PATJ: variants seen among roughly 807,000 people sequenced by gnomAD.
PATJ encodes the protein PATJ crumbs cell polarity complex component.
PATJ carries 190 observed loss-of-function variants against 224.9 expected under a neutral mutation model. The ratio of observed to expected loss-of-function variants is 0.84; its 90% CI spans 0.75 to 0.95. The LOEUF (loss-of-function observed/expected upper bound fraction) is 0.95, where lower values mean the gene tolerates loss of function less well. Among genes scored for constraint, PATJ ranks in the 40% least tolerant of loss-of-function variants. The pLI is 0.00. For missense variants in PATJ, 2,121 were observed against 2,270.3 expected, an observed-to-expected ratio of 0.93 and a Z score of 1.34; for synonymous variants, 769 against 820.3, an observed-to-expected ratio of 0.94 and a Z score of 1.07.
chr1:61,849,170 G>A (rs1023908388), intron 17 of PATJ, among the ~76,000 whole-genome samples: 1 of 152,180 alleles, frequency 6.6e-6, no homozygotes, highest in Admixed American at 6.5e-5. Flanking sequence ...GTTGATTGAA[G>A]TTGTTTTGCT....
At chr1:62,130,504 C>A (rs976871472) in intron 41 of PATJ, among the ~76,000 whole-genome samples, 1 of 149,244 alleles carries the variant, frequency 6.7e-6, no homozygotes, top group African/African-American at 2.5e-5. Context: ...CCCATCTCTA[C>A]AAAAAAAATA....
intron 3 of PATJ, among the ~76,000 whole-genome samples, chr1:61,765,176 G>T (rs1353634444): frequency 7.5e-6 from 1 of 132,516 alleles, no homozygotes; most frequent in Admixed American, 8.9e-5. Flanking sequence ...CTGGGCTCAA[G>T]CAATCCTCCC....
At chr1:62,077,678 AC>A (rs1427635619) in intron 31 of PATJ, among the ~76,000 whole-genome samples, 1 of 125,766 alleles carries the variant, frequency 8.0e-6, no homozygotes, top group Non-Finnish European at 1.7e-5. Context: ...ACAGAGTGAG[AC>A]CCTGTCCAAA....
At position 62,012,860 on chromosome 1, in the gene PATJ, A is replaced by G. The variant is rs374937243; in HGVS notation, c.3868-4996A>G. Reference sequence around the variant, plus strand: ...ATAAAAGAGTCTTTGTCTTGGATTTATTTTTCTATCCAGAGATCAGCATTT... The same window carrying G: ...ATAAAAGAGTCTTTGTCTTGGATTTGTTTTTCTATCCAGAGATCAGCATTT... On this transcript the variant is annotated intron_variant, in intron 28 of 43. Transcript: ENST00000642238. Among the ~76,000 whole-genome samples, 241 of 151,864 alleles carry G rather than the reference A, an allele frequency of 1.6e-3. 1 individual carries two copies. Among genetic ancestry groups the G allele is most frequent in the African/African-American group, 5.5e-3 (227 of 41,420 alleles).
chr1:62,013,610 AAG>A, intron 28 of PATJ: 1 of 655,812 alleles, frequency 1.5e-6, no homozygotes. Context: ...TAAGTGCAAG[AAG>A]AGAAATTTTT....
intron 29 of PATJ, among the ~76,000 whole-genome samples, chr1:62,022,517 G>A (rs1404514454): frequency 6.6e-6 from 1 of 152,062 alleles, no homozygotes; most frequent in African/African-American, 2.4e-5. Context: ...TCCCCTTCAT[G>A]TGAGCACACC....
intron 24 of PATJ, among the ~76,000 whole-genome samples, chr1:61,902,002 C>CAA (rs1486751727): frequency 1.3e-5 from 2 of 152,072 alleles, no homozygotes; most frequent in African/African-American, 4.8e-5. Context: ...GCAGGCAGAT[C>CAA]ACTTGAGGTC....
At chr1:61,789,613 G>C (rs1380536317) in intron 8 of PATJ, among the ~76,000 whole-genome samples, 1 of 151,742 alleles carries the variant, frequency 6.6e-6, no homozygotes, top group African/African-American at 2.4e-5. Flanking sequence ...AGGAGTTCGA[G>C]ACCAGCCTGG....
intron 7 of PATJ, among the ~76,000 whole-genome samples, chr1:61,779,947 C>T (rs887945279): frequency 6.6e-6 from 1 of 152,062 alleles, no homozygotes; most frequent in African/African-American, 2.4e-5. Context: ...AGAGTGAGAA[C>T]TCACTGCACT....
At chr1:61,998,810 T>C (rs982568963) in intron 28 of PATJ, among the ~76,000 whole-genome samples, 1 of 152,192 alleles carries the variant, frequency 6.6e-6, no homozygotes, top group African/African-American at 2.4e-5. Flanking sequence ...CTTTGAGCTC[T>C]ATTTCTGCCA....
chr1:61,841,103 G>T (rs1225296345), intron 17 of PATJ, among the ~76,000 whole-genome samples: 1 of 152,030 alleles, frequency 6.6e-6, no homozygotes, highest in Non-Finnish European at 1.5e-5. Flanking sequence ...GGCATAAAGT[G>T]TTTATATTCA....
chr1:61,788,056 C>A, intron 8 of PATJ, 84 bp downstream of exon 8: 5 of 1,108,518 alleles, frequency 4.5e-6, no homozygotes, highest in South Asian at 1.4e-5. Context: ...CAACTTGAAG[C>A]ACCACATTGG....
intron 27 of PATJ, among the ~76,000 whole-genome samples, chr1:61,965,925 G>A (rs1353593288): frequency 6.6e-6 from 1 of 152,114 alleles, no homozygotes; most frequent in Non-Finnish European, 1.5e-5. Context: ...TTTTTGAGGT[G>A]GAGCCTCGCT....
intron 1 of PATJ, among the ~76,000 whole-genome samples, chr1:61,759,048 A>T (rs1255655408): frequency 6.6e-6 from 1 of 152,242 alleles, no homozygotes; most frequent in Non-Finnish European, 1.5e-5. Flanking sequence ...ATTTTAAAAT[A>T]AGAGACCATT....
In PATJ at chr1:61,788,842, T is replaced by C. The variant is rs1323901760; in HGVS notation, c.1068+870T>C. The stretch of plus-strand genomic sequence containing the variant: ...GACATGCACCACCACGCCTGGCTAA[T>C]TTTGTATTTTTAGTAGAGATGGAGT... On this transcript the variant is annotated intron_variant, in intron 8 of 43. Transcript: ENST00000642238. Among the ~76,000 whole-genome samples, 3 of 152,154 alleles carry C rather than the reference T, an allele frequency of 2.0e-5. No individual in the cohort carries two copies. In the East Asian group the frequency reaches 5.8e-4, roughly 30 times the overall value.
intron 43 of PATJ, among the ~76,000 whole-genome samples, chr1:62,156,058 A>T: frequency 7.0e-6 from 1 of 143,838 alleles, no homozygotes; most frequent in African/African-American, 2.7e-5. Flanking sequence ...ACTCTGTAAA[A>T]AAAAAAAAAA....
intron 26 of PATJ, among the ~76,000 whole-genome samples, chr1:61,919,405 G>A (rs1432109380): frequency 6.6e-6 from 1 of 151,498 alleles, no homozygotes; most frequent in East Asian, 1.9e-4. Context: ...CTCACTGCCA[G>A]TAGTCCTCCC....
At chr1:62,117,667 G>A (rs564304868) in intron 37 of PATJ, among the ~76,000 whole-genome samples, 1 of 152,156 alleles carries the variant, frequency 6.6e-6, no homozygotes, top group East Asian at 1.9e-4. Context: ...CAAGTGTGGG[G>A]GTTTTTCCTG....
intron 31 of PATJ, among the ~76,000 whole-genome samples, chr1:62,056,067 C>T (rs115996779): frequency 0.027 from 4,055 of 152,212 alleles, 74 homozygotes; most frequent in Non-Finnish European, 0.039. Flanking sequence ...TTTTGTTCTA[C>T]CTGGCCCTCC....
Sources: gnomAD v4.1 joint callset for allele counts (sites outside exome capture counted in the v4.1 genomes callset) on GRCh38, gnomAD v4.1.1 for gene constraint, MANE v1.5 for transcripts, NCBI Gene and HGNC (gene_info 2026-07-23, HGNC 2026-07-21) for gene names.